The following PRKG1 variants were observed in gnomAD, a reference collection of about 807,000 sequenced individuals.
PRKG1 encodes the protein cGMP-dependent protein kinase 1.
PRKG1 carries 35 observed loss-of-function variants against 88.1 expected under a neutral mutation model. The ratio of observed to expected loss-of-function variants is 0.40; its 90% CI spans 0.30 to 0.53. PRKG1 has a LOEUF of 0.53. Ranked by LOEUF, PRKG1 falls within the 20% of genes least tolerant of loss-of-function variation. The pLI, the probability that PRKG1 is intolerant of heterozygous loss-of-function variation, is 0.59. For synonymous variants in PRKG1, 303 were observed against 292.5 expected (o/e 1.04, Z -0.37); for missense variants, 540 against 839.8 (o/e 0.64, Z 4.41).
intron 4 of PRKG1, among the ~76,000 whole-genome samples, chr10:51,862,438 G>A (rs1373042044): frequency 6.6e-6 from 1 of 152,126 alleles, no homozygotes; most frequent in East Asian, 1.9e-4. Flanking sequence ...GAGCCAGTCA[G>A]GGAAGAATTT....
intron 2 of PRKG1, among the ~76,000 whole-genome samples, chr10:51,219,450 C>A (rs1347108938): frequency 6.6e-6 from 1 of 152,048 alleles, no homozygotes; most frequent in Non-Finnish European, 1.5e-5. Context: ...TGGCTCACAC[C>A]TGTAATCCCA....
intron 1 of PRKG1, among the ~76,000 whole-genome samples, chr10:51,129,791 A>G (rs534920145): frequency 5.3e-5 from 8 of 152,198 alleles, no homozygotes; most frequent in Non-Finnish European, 8.8e-5. Context: ...CTCTTTTCTC[A>G]TTTGTGATGA....
intron 2 of PRKG1, among the ~76,000 whole-genome samples, chr10:51,324,291 C>T (rs565211957): frequency 6.6e-6 from 1 of 152,284 alleles, no homozygotes; most frequent in African/African-American, 2.4e-5. Context: ...CACCATTCTA[C>T]TTTCAACCAA....
chr10:52,084,597 A>G (rs1476449627), intron 7 of PRKG1, among the ~76,000 whole-genome samples: 1 of 152,014 alleles, frequency 6.6e-6, no homozygotes, highest in Non-Finnish European at 1.5e-5. Context: ...ACAGATATAT[A>G]CTTTTTTCCT....
At chr10:51,457,927 C>T (rs937333136) in intron 2 of PRKG1, among the ~76,000 whole-genome samples, 1 of 152,076 alleles carries the variant, frequency 6.6e-6, no homozygotes, top group African/African-American at 2.4e-5. Context: ...AAAGCAAGTC[C>T]TCTCACCCCC....
chr10:51,773,774 C>T (rs1008058275), intron 3 of PRKG1, among the ~76,000 whole-genome samples: 7 of 151,980 alleles, frequency 4.6e-5, no homozygotes, highest in Non-Finnish European at 8.8e-5. Flanking sequence ...AATATTATTA[C>T]ACTCCTCTTT....
chr10:51,733,694 G>A (rs1215682698), intron 3 of PRKG1, among the ~76,000 whole-genome samples: 3 of 152,190 alleles, frequency 2.0e-5, no homozygotes, highest in Non-Finnish European at 4.4e-5. Flanking sequence ...AGCACTGTAA[G>A]CAAATCAATA....
intron 3 of PRKG1, among the ~76,000 whole-genome samples, chr10:51,529,336 G>A (rs190914743): frequency 5.3e-5 from 8 of 152,108 alleles, no homozygotes; most frequent in Admixed American, 1.3e-4. Flanking sequence ...CCATACTGCA[G>A]CCCCAGTCAC....
chr10:51,414,887 G>A (rs905414689), intron 2 of PRKG1, among the ~76,000 whole-genome samples: 4 of 152,118 alleles, frequency 2.6e-5, no homozygotes, highest in Admixed American at 6.5e-5. Flanking sequence ...AACTATAAAA[G>A]TAGTTTAATT....
At chr10:52,120,700 G>A (rs1422122023) in intron 7 of PRKG1, among the ~76,000 whole-genome samples, 1 of 152,172 alleles carries the variant, frequency 6.6e-6, no homozygotes, top group Non-Finnish European at 1.5e-5. Flanking sequence ...GACAGGAGTT[G>A]GGCTCCCCAG....
intron 2 of PRKG1, among the ~76,000 whole-genome samples, chr10:51,192,661 T>A (rs1232516931): frequency 6.6e-6 from 1 of 151,950 alleles, no homozygotes; most frequent in Admixed American, 6.6e-5. Context: ...TAAAGAGATT[T>A]TCATCTTAAA....
intron 5 of PRKG1, among the ~76,000 whole-genome samples, chr10:51,974,308 G>A (rs558124573): frequency 6.6e-6 from 1 of 152,192 alleles, no homozygotes; most frequent in East Asian, 1.9e-4. Context: ...GCCTTATTTG[G>A]AATATTGTAG....
At chr10:51,982,415 G>C (rs1844033110) in intron 5 of PRKG1, among the ~76,000 whole-genome samples, 1 of 152,206 alleles carries the variant, frequency 6.6e-6, no homozygotes, top group African/African-American at 2.4e-5. Flanking sequence ...CAGAGTTCTT[G>C]AGCTGGTTCT....
intron 2 of PRKG1, among the ~76,000 whole-genome samples, chr10:51,407,254 C>A (rs1837946481): frequency 6.6e-6 from 1 of 152,168 alleles, no homozygotes; most frequent in Admixed American, 6.5e-5. Context: ...TCAATTTGAA[C>A]CCATGCACAT....
chr10:51,216,149 T>C (rs1320892014), intron 2 of PRKG1, among the ~76,000 whole-genome samples: 1 of 152,134 alleles, frequency 6.6e-6, no homozygotes, highest in Non-Finnish European at 1.5e-5. Context: ...GTGGGATGAA[T>C]GAATGAGCAG....
At chr10:51,658,103 G>A (rs547233723) in intron 3 of PRKG1, among the ~76,000 whole-genome samples, 1 of 152,104 alleles carries the variant, frequency 6.6e-6, no homozygotes, top group Non-Finnish European at 1.5e-5. Flanking sequence ...CTTGGAAGCA[G>A]GAAATACGGA....
intron 4 of PRKG1, among the ~76,000 whole-genome samples, chr10:51,851,423 C>T (rs1937704): frequency 0.024 from 3,645 of 152,096 alleles, 131 homozygotes; most frequent in African/African-American, 0.074. Context: ...ACAGGACAAC[C>T]TCACACACCC....
At chr10:51,772,451 T>C (rs570239017) in intron 3 of PRKG1, among the ~76,000 whole-genome samples, 13 of 152,206 alleles carry the variant, frequency 8.5e-5, no homozygotes, top group African/African-American at 3.1e-4. Flanking sequence ...TAAACTCATA[T>C]TAGGTGAAAA....
At chr10:51,416,960 A>G (rs1838259134) in intron 2 of PRKG1, among the ~76,000 whole-genome samples, 1 of 152,190 alleles carries the variant, frequency 6.6e-6, no homozygotes, top group Non-Finnish European at 1.5e-5. Flanking sequence ...TGCCACTTGG[A>G]AAAAAACTAG....
Sources: allele counts gnomAD v4.1 joint callset (sites outside exome capture counted in the v4.1 genomes callset), GRCh38; gene constraint gnomAD v4.1.1; transcripts MANE v1.5; gene names NCBI Gene and HGNC (gene_info 2026-07-23, HGNC 2026-07-21).